Variants in PCDHA8 observed in about 807,000 individuals in gnomAD.
The protein encoded by PCDHA8 is protocadherin alpha-8.
Under a neutral mutation model 61.8 loss-of-function variants are expected in PCDHA8, and 53 were observed. That is an observed-to-expected ratio of 0.86 (90% CI 0.69 to 1.08). PCDHA8 has a LOEUF of 1.08. Ranked by LOEUF, PCDHA8 falls within the 50% of genes least tolerant of loss-of-function variation. The probability of loss-of-function intolerance (pLI) is 0.00; values close to 1 mark genes in which losing one functional copy is unlikely to be tolerated. For missense variants in PCDHA8, 1,293 were observed against 1,245.0 expected (o/e 1.04, Z -0.58); for synonymous variants, 618 against 556.6 (o/e 1.11, Z -1.55).
intron 1 of PCDHA8, chr5:140,857,340 C>A (rs782392001): frequency 9.4e-6 from 15 of 1,598,236 alleles, no homozygotes; most frequent in Non-Finnish European, 1.2e-5. Context: ...GACGGGGGCT[C>A]GCCTCCGCTG....
intron 1 of PCDHA8, chr5:140,853,946 G>A (rs2042919136): frequency 1.2e-6 from 1 of 805,184 alleles, no homozygotes; most frequent in Non-Finnish European, 1.5e-6. Flanking sequence ...AGGTGGGAGG[G>A]TCCCTTCCTT....
intron 1 of PCDHA8, chr5:140,927,773 A>C (rs143568645): frequency 6.2e-7 from 1 of 1,614,078 alleles, no homozygotes; most frequent in Non-Finnish European, 8.5e-7. Flanking sequence ...GGGGAGGTGC[A>C]AGTAGCTGCT....
chr5:140,886,498 C>T (rs1415505049), intron 1 of PCDHA8, among the ~76,000 whole-genome samples: 1 of 151,920 alleles, frequency 6.6e-6, no homozygotes, highest in African/African-American at 2.4e-5. Context: ...ATATCTTTTT[C>T]CTTTTATGGA....
chr5:140,907,525 G>A (rs1016477325), intron 1 of PCDHA8, among the ~76,000 whole-genome samples: 3 of 152,196 alleles, frequency 2.0e-5, no homozygotes, highest in African/African-American at 4.8e-5. Flanking sequence ...AGGACAAATC[G>A]CTGCCCTTTC....
intron 1 of PCDHA8, among the ~76,000 whole-genome samples, chr5:140,846,372 TC>T (rs146357297): frequency 0.2 from 13,294 of 65,432 alleles, 1,456 homozygotes; most frequent in African/African-American, 0.26. Flanking sequence ...TTTCTTTCTT[TC>T]TTTTTTTTTT....
At position 140,843,039 on chromosome 5, in the gene PCDHA8, C is replaced by T; in HGVS notation, c.1718C>T (p.Thr573Ile). 4.4e-6 allele frequency: 7 copies of T among 1,595,204 alleles called. 1 individual carries two copies. The highest frequency in any genetic ancestry group is 6.0e-6 in the Non-Finnish European group (7 of 1,165,364). ...CTGCTGGAGCCTCGGGTGGGTGGCA[C>T]TGGTGGCGCAGCGAGCAAGCTGGTG... ...PALLEPRVGG[T>I]GGAASKLVPR... Residue 573 changes from threonine (T) to isoleucine (I), a missense_variant, in exon 1 of 4, where the codon ACT becomes ATT. Physicochemically the swap from Thr to Ile is moderately conservative, Grantham distance 89 (BLOSUM62 -1). Coordinates refer to ENST00000531613, the MANE Select transcript of PCDHA8 (RefSeq NM_018911.3).
intron 1 of PCDHA8, chr5:140,854,000 C>CA (rs112540154): frequency 0.023 from 8,090 of 347,992 alleles, 12 homozygotes; most frequent in Middle Eastern, 0.03. Flanking sequence ...TCATCTCTGC[C>CA]AAAAAAAAAA....
rs782250124 is a variant in PCDHA8, at chr5:140,870,603, C to G, written c.2394+26888C>G. 14 of 1,613,222 alleles carry G rather than the reference C, an allele frequency of 8.7e-6. No individual in the cohort carries two copies. In the Middle Eastern group the frequency reaches 5.0e-4, roughly 58 times the overall value. On this transcript the variant is annotated intron_variant, in intron 1 of 3. Coordinates refer to ENST00000531613, the MANE Select transcript of PCDHA8 (RefSeq NM_018911.3). ...CGCTGGTGGAGCGGCGGTTGGGCGA[C>G]CGCGCGCTGTCGAGCTACGTGTCGG...
chr5:140,924,318 G>C (rs550515387), intron 1 of PCDHA8, among the ~76,000 whole-genome samples: 71 of 152,282 alleles, frequency 4.7e-4, no homozygotes, highest in African/African-American at 1.3e-3. Context: ...AATTTTATCT[G>C]AGACTTGGTG....
chr5:140,966,852 T>C, intron 1 of PCDHA8: 1 of 1,572,518 alleles, frequency 6.4e-7, no homozygotes, highest in South Asian at 1.1e-5. Flanking sequence ...CTGCCTCTCC[T>C]GCTGCTGTTG....
chr5:140,971,547 C>T (rs904044424), intron 1 of PCDHA8, among the ~76,000 whole-genome samples: 3 of 152,074 alleles, frequency 2.0e-5, no homozygotes, highest in Non-Finnish European at 4.4e-5. Flanking sequence ...GCCAGATCAA[C>T]CTGTTAAATT....
chr5:140,988,658 T>C (rs1470835683), intron 3 of PCDHA8, among the ~76,000 whole-genome samples: 7 of 152,232 alleles, frequency 4.6e-5, no homozygotes, highest in African/African-American at 9.6e-5. Flanking sequence ...TTTTTGTTTA[T>C]GAATAGACTC....
intron 1 of PCDHA8, chr5:140,857,693 A>T: frequency 6.3e-7 from 1 of 1,597,022 alleles, no homozygotes; most frequent in Non-Finnish European, 8.6e-7. Context: ...CAGCAACTTG[A>T]CGCTGCAGGT....
chr5:140,893,312 A>C (rs2063923388), intron 1 of PCDHA8, among the ~76,000 whole-genome samples: 1 of 152,106 alleles, frequency 6.6e-6, no homozygotes, highest in Non-Finnish European at 1.5e-5. Context: ...TAGTTTTTTG[A>C]GGGACTCCCA....
chr5:140,987,075 G>C (rs564788093), intron 3 of PCDHA8, among the ~76,000 whole-genome samples: 1 of 152,006 alleles, frequency 6.6e-6, no homozygotes, highest in Admixed American at 6.5e-5. Context: ...TGAGCTGGGC[G>C]TGGTGGCAGG....
rs2150347261 is a variant in PCDHA8, at chr5:140,842,884, G to A, written c.1563G>A (p.Gln521=). ...HTESGKVYAL[Q]PLDHEELELL... is the part of the protein sequence containing the mutation. ...AGAGCGGCAAGGTGTACGCGCTGCA[G>A]CCGCTGGACCACGAGGAGCTAGAGC... Residue 521 remains glutamine, a synonymous_variant, in exon 1 of 4, where the codon CAG becomes CAA. Transcript: ENST00000531613. 17 of 1,594,074 alleles carry A rather than the reference G, an allele frequency of 1.1e-5. 3 individuals are homozygous for A. The African/African-American group carries it at 1.8e-4, about 16-fold the overall frequency.
rs1261636098 is a variant in PCDHA8, at chr5:140,968,913, C to G, written c.2395-10036C>G. 6.8e-6 allele frequency: 11 copies of G among 1,614,036 alleles called. No homozygotes were observed. Among genetic ancestry groups the G allele is most frequent in the Non-Finnish European group, 8.5e-6 (10 of 1,180,044 alleles). On this transcript the variant is annotated intron_variant, in intron 1 of 3. Transcript: ENST00000531613. ...CTAATAATAGCATTAAGCACAGTGT[C>G]TTTTATATTTCTTTTGACAATCATC...
At chr5:140,869,729 A>T (rs1554163384) in intron 1 of PCDHA8, 2 of 1,613,280 alleles carry the variant, frequency 1.2e-6, no homozygotes, top group Non-Finnish European at 1.7e-6. Context: ...CCGGAACTTA[A>T]TTTGCTGCTA....
At chr5:140,870,564 G>C (rs782511789) in intron 1 of PCDHA8, 83 of 1,613,882 alleles carry the variant, frequency 5.1e-5, no homozygotes, top group Admixed American at 3.3e-4. Context: ...AGGAGAACGC[G>C]CTGGTGTCCT....
Sources: allele counts gnomAD v4.1 joint callset (sites outside exome capture counted in the v4.1 genomes callset), GRCh38; gene constraint gnomAD v4.1.1; transcripts MANE v1.5; gene names NCBI Gene and HGNC (gene_info 2026-07-23, HGNC 2026-07-21).